The following FGGY variants were observed in gnomAD, a reference collection of about 807,000 sequenced individuals.
The protein encoded by FGGY is FGGY carbohydrate kinase domain containing.
FGGY carries 72 observed loss-of-function variants against 71.3 expected under a neutral mutation model. The observed-to-expected ratio is 1.01, with a 90% CI of 0.84 to 1.23. The LOEUF (loss-of-function observed/expected upper bound fraction) is 1.23. Ranked by LOEUF, FGGY falls within the 50% of genes most tolerant of loss-of-function variation. The probability of loss-of-function intolerance (pLI) is 0.00; values close to 1 mark genes in which losing one functional copy is unlikely to be tolerated. For missense variants in FGGY, 668 were observed against 682.3 expected, an observed-to-expected ratio of 0.98 and a Z score of 0.23; for synonymous variants, 251 against 250.3, an observed-to-expected ratio of 1.00 and a Z score of -0.02.
At chr1:59,471,539 G>C (rs558221958) in intron 6 of FGGY, among the ~76,000 whole-genome samples, 16 of 152,268 alleles carry the variant, frequency 1.1e-4, no homozygotes, top group African/African-American at 3.6e-4. Context: ...GGTCTTCACA[G>C]TACTTGAAGG....
chr1:59,652,445 C>T (rs373557966), intron 11 of FGGY, among the ~76,000 whole-genome samples: 5 of 145,636 alleles, frequency 3.4e-5, no homozygotes, highest in East Asian at 2.0e-4. Flanking sequence ...GGAGGCTTTG[C>T]TCATTTCTTT....
At chr1:59,700,411 T>C (rs1445262457) in intron 14 of FGGY, among the ~76,000 whole-genome samples, 1 of 152,210 alleles carries the variant, frequency 6.6e-6, no homozygotes, top group African/African-American at 2.4e-5. Context: ...GGAACTGTTA[T>C]TATCCCAATT....
chr1:59,401,448 A>T (rs1356042088), intron 5 of FGGY, among the ~76,000 whole-genome samples: 3 of 152,234 alleles, frequency 2.0e-5, no homozygotes, highest in Non-Finnish European at 2.9e-5. Context: ...CACATTGATC[A>T]TGCCCGTGTT....
intron 7 of FGGY, among the ~76,000 whole-genome samples, chr1:59,518,406 T>C (rs889405946): frequency 1.3e-5 from 2 of 152,202 alleles, no homozygotes; most frequent in South Asian, 2.1e-4. Context: ...TGTAGCATGA[T>C]GGATAAAGAA....
intron 14 of FGGY, among the ~76,000 whole-genome samples, chr1:59,705,962 A>C (rs2097755031): frequency 2.0e-5 from 3 of 152,162 alleles, no homozygotes; most frequent in African/African-American, 7.2e-5. Flanking sequence ...TTTCCTGATG[A>C]TACATCTCAG....
intron 8 of FGGY, among the ~76,000 whole-genome samples, chr1:59,557,946 G>A (rs561322168): frequency 5.3e-5 from 8 of 152,122 alleles, no homozygotes; most frequent in Non-Finnish European, 7.3e-5. Context: ...ATCTTAAATC[G>A]CTCAGAACTG....
intron 14 of FGGY, among the ~76,000 whole-genome samples, chr1:59,750,108 G>T (rs941321525): frequency 3.3e-5 from 5 of 152,226 alleles, no homozygotes; most frequent in South Asian, 2.1e-4. Context: ...ACTGAGCTTT[G>T]ATTCACACAT....
chr1:59,725,526 A>G lies in FGGY; in HGVS notation c.1513-32405A>G, dbSNP rs545006152. 5.0e-4 allele frequency among the ~76,000 whole-genome samples: 76 copies of G among 152,246 alleles called. 1 individual carries two copies. Among genetic ancestry groups the G allele is most frequent in the African/African-American group, 1.7e-3 (72 of 41,556 alleles). ...TTAAAAATAGTTCGCTGAAAATTCA[A>G]TTTATTTATTTCATCAGAGTTTTGT... On this transcript the variant is annotated intron_variant, in intron 14 of 15. Transcript: ENST00000303721.
chr1:59,576,001 A>G (rs973699501), intron 8 of FGGY, among the ~76,000 whole-genome samples: 1 of 152,062 alleles, frequency 6.6e-6, no homozygotes, highest in Non-Finnish European at 1.5e-5. Context: ...CCTTCTTTAT[A>G]TCTTCTTTTG....
At chr1:59,447,496 A>G (rs2071563820) in intron 5 of FGGY, among the ~76,000 whole-genome samples, 1 of 152,086 alleles carries the variant, frequency 6.6e-6, no homozygotes, top group South Asian at 2.1e-4. Flanking sequence ...ATCGCACCCT[A>G]TCTAAGGGTG....
intron 5 of FGGY, among the ~76,000 whole-genome samples, chr1:59,425,349 A>T (rs936526512): frequency 6.6e-6 from 1 of 151,980 alleles, no homozygotes; most frequent in Admixed American, 6.6e-5. Flanking sequence ...TGTTTTGGGG[A>T]TTTCTATCAC....
chr1:59,321,337 A>G (rs2046345343), intron 1 of FGGY, among the ~76,000 whole-genome samples, 199 bp from the exon 2 acceptor site: 1 of 152,166 alleles, frequency 6.6e-6, no homozygotes. Context: ...CTGAGGCCAT[A>G]TCTGTGCTGT....
intron 9 of FGGY, among the ~76,000 whole-genome samples, chr1:59,622,300 G>A (rs573830328): frequency 5.9e-5 from 9 of 151,992 alleles, no homozygotes; most frequent in Non-Finnish European, 1.0e-4. Flanking sequence ...CAGATTTGGT[G>A]TTCACTAAGT....
intron 5 of FGGY, among the ~76,000 whole-genome samples, chr1:59,379,830 A>G (rs913691623): frequency 3.3e-5 from 5 of 151,786 alleles, no homozygotes; most frequent in Admixed American, 2.0e-4. Flanking sequence ...TTTAAGTTCT[A>G]GGGTACATGT....
intron 11 of FGGY, among the ~76,000 whole-genome samples, chr1:59,647,750 T>C (rs1252683968): frequency 6.6e-6 from 1 of 150,892 alleles, no homozygotes; most frequent in Non-Finnish European, 1.5e-5. Flanking sequence ...TCTTTTTTTT[T>C]TTTTTTTTTT....
chr1:59,439,182 G>A (rs964946059), intron 5 of FGGY, among the ~76,000 whole-genome samples: 1 of 152,156 alleles, frequency 6.6e-6, no homozygotes, highest in African/African-American at 2.4e-5. Context: ...GAATGGGACT[G>A]TGTCTTGTCT....
At chr1:59,645,732 C>T (rs1011141009) in intron 11 of FGGY, among the ~76,000 whole-genome samples, 4 of 152,204 alleles carry the variant, frequency 2.6e-5, no homozygotes, top group Admixed American at 6.5e-5. Flanking sequence ...GAAATAACCA[C>T]TCAACCACTC....
At chr1:59,708,102 A>G (rs986303791) in intron 14 of FGGY, among the ~76,000 whole-genome samples, 2 of 152,144 alleles carry the variant, frequency 1.3e-5, no homozygotes, top group Non-Finnish European at 2.9e-5. Context: ...AGTCTAAAAC[A>G]TGTCTGACTC....
intron 1 of FGGY, among the ~76,000 whole-genome samples, chr1:59,304,844 T>G (rs955411774): frequency 1.3e-5 from 2 of 152,132 alleles, no homozygotes; most frequent in Non-Finnish European, 2.9e-5. Context: ...GTGAGATTGT[T>G]AATTTCTTTT....
Sources: allele counts gnomAD v4.1 joint callset (sites outside exome capture counted in the v4.1 genomes callset), GRCh38; gene constraint gnomAD v4.1.1; transcripts MANE v1.5; gene names NCBI Gene and HGNC (gene_info 2026-07-23, HGNC 2026-07-21).